The following PRSS23 variants were observed in gnomAD, a reference collection of about 807,000 sequenced individuals.
The protein encoded by PRSS23 is serine protease 23.
PRSS23 carries 25 observed loss-of-function variants against 34.7 expected under a neutral mutation model. The observed-to-expected ratio is 0.72, with a 90% CI of 0.53 to 1.01. The LOEUF is 1.01. Among genes scored for constraint, PRSS23 ranks in the 50% least tolerant of loss-of-function variants. The pLI is 0.00. For synonymous variants in PRSS23, 176 were observed against 186.6 expected (o/e 0.94, Z 0.46); for missense variants, 445 against 475.6 (o/e 0.94, Z 0.60).
At chr11:86,871,490 C>T (rs1322345008) in intron 2 of PRSS23, among the ~76,000 whole-genome samples, 3 of 152,162 alleles carry the variant, frequency 2.0e-5, no homozygotes, top group African/African-American at 7.2e-5. Context: ...CTGCTCTGTA[C>T]AGTATTCTCT....
intron 2 of PRSS23, among the ~76,000 whole-genome samples, chr11:86,834,531 C>CTT (rs1422492550): frequency 7.2e-6 from 1 of 138,952 alleles, no homozygotes. Context: ...CTTTCCTTTC[C>CTT]TTTCCTTTCC....
At chr11:86,804,619 C>A (rs1342855865) in intron 1 of PRSS23, among the ~76,000 whole-genome samples, 1 of 152,162 alleles carries the variant, frequency 6.6e-6, no homozygotes, top group Non-Finnish European at 1.5e-5. Flanking sequence ...CTGGCTTCTC[C>A]TTCACTCCTG....
intron 2 of PRSS23, among the ~76,000 whole-genome samples, chr11:86,893,333 AATACAT>A (rs1341124570): frequency 1.3e-5 from 2 of 152,314 alleles, no homozygotes; most frequent in African/African-American, 4.8e-5. Context: ...CTAGTAAACT[AATACAT>A]ATAAGTATCT....
At chr11:86,833,158 A>G in intron 2 of PRSS23, 1 of 842,648 alleles carries the variant, frequency 1.2e-6, no homozygotes, top group South Asian at 1.4e-5. Flanking sequence ...AAAGAGAGAC[A>G]TCTGAGTCAG....
intron 2 of PRSS23, among the ~76,000 whole-genome samples, chr11:86,889,002 C>A (rs182353783): frequency 1.3e-5 from 2 of 152,266 alleles, no homozygotes; most frequent in African/African-American, 4.8e-5. Context: ...CCTTATAGAG[C>A]CCTGATCACT....
At chr11:86,918,300 G>A (rs1469106766) in intron 2 of PRSS23, among the ~76,000 whole-genome samples, 2 of 152,186 alleles carry the variant, frequency 1.3e-5, no homozygotes, top group Admixed American at 6.5e-5. Context: ...TAGGAGGGTG[G>A]TGAGAAGGTT....
intron 2 of PRSS23, among the ~76,000 whole-genome samples, chr11:86,867,555 T>C (rs1007159681): frequency 1.3e-5 from 2 of 152,154 alleles, no homozygotes; most frequent in Non-Finnish European, 2.9e-5. Context: ...ACCATCCTCC[T>C]TCTGAGACCC....
chr11:86,875,486 T>A (rs899731884), intron 2 of PRSS23, among the ~76,000 whole-genome samples: 23 of 152,250 alleles, frequency 1.5e-4, no homozygotes, highest in Non-Finnish European at 2.8e-4. Context: ...AAGACCGTGC[T>A]CTGGTAGGAA....
intron 2 of PRSS23, among the ~76,000 whole-genome samples, chr11:86,831,063 A>T (rs1432803583): frequency 6.6e-6 from 1 of 152,016 alleles, no homozygotes; most frequent in Non-Finnish European, 1.5e-5. Flanking sequence ...AACGGGGTTT[A>T]CAACTTGTAA....
intron 2 of PRSS23, among the ~76,000 whole-genome samples, chr11:86,829,906 G>A (rs957812186): frequency 1.3e-5 from 2 of 152,096 alleles, no homozygotes; most frequent in South Asian, 2.1e-4. Flanking sequence ...CTACTGGGGG[G>A]TGCCTCCCAG....
exon 3 of PRSS23, chr11:86,952,194 A>C (rs569564089): frequency 6.2e-7 from 1 of 1,613,428 alleles, no homozygotes; most frequent in Admixed American, 1.7e-5. Context: ...TACTGATCAG[A>C]ATTGGTTCCC....
rs1205945864 is a variant in PRSS23 at position 86,807,965 on chromosome 11, A to C, written c.322A>C (p.Ser108Arg). The C allele has an allele frequency of 1.9e-6, 3 of 1,614,040 alleles. No individual in the cohort carries two copies. Among genetic ancestry groups the C allele is most frequent in the Admixed American group, 1.7e-5 (1 of 60,020 alleles). Residue 108 changes from serine (S) to arginine (R), a missense_variant, in exon 2 of 2, where the codon AGT (serine) becomes CGT (arginine). Physicochemically the swap from Ser to Arg is moderately radical, Grantham distance 110 (BLOSUM62 -1). Coordinates refer to ENST00000280258, the MANE Select transcript of PRSS23 (RefSeq NM_007173.6). ...ETQVGIYILS[S>R]SGDGAQHRDS... is the part of the protein sequence containing the mutation. ...GCAGGTGGGCATCTACATCCTCAGC[A>C]GTAGTGGAGATGGGGCCCAACACCG...
At chr11:86,854,774 C>T (rs1948556234) in intron 2 of PRSS23, among the ~76,000 whole-genome samples, 1 of 152,188 alleles carries the variant, frequency 6.6e-6, no homozygotes, top group Non-Finnish European at 1.5e-5. Flanking sequence ...GTATGCTTTT[C>T]CACCAATGAA....
chr11:86,852,976 C>G (rs923367082), intron 2 of PRSS23, among the ~76,000 whole-genome samples: 4 of 152,064 alleles, frequency 2.6e-5, no homozygotes, highest in Non-Finnish European at 5.9e-5. Context: ...GTCTCAGTCT[C>G]CGGAGTAGCT....
chr11:86,853,190 G>C (rs1433348585), intron 2 of PRSS23, among the ~76,000 whole-genome samples: 2 of 144,212 alleles, frequency 1.4e-5, no homozygotes, highest in African/African-American at 5.2e-5. Context: ...TTTCACTGAC[G>C]ATGATGTCTT....
chr11:86,920,912 T>A (rs1949043700), intron 2 of PRSS23, among the ~76,000 whole-genome samples: 1 of 152,164 alleles, frequency 6.6e-6, no homozygotes, highest in Admixed American at 6.5e-5. Context: ...TTGTCATCAT[T>A]CCATGGCCTT....
rs188503782 is a variant in PRSS23 at position 86,898,334 on chromosome 11, C to T, written c.207-52882C>T. Among the ~76,000 whole-genome samples the T allele has an allele frequency of 4.6e-5, 7 of 152,292 alleles. No homozygotes were observed. The East Asian group carries it at 1.3e-3, about 29-fold the overall frequency. ...TGAATTATTATAACTTATTTATTTC[C>T]TTCAATAAATATAGTATAAAAAGTA... On this transcript the variant is annotated intron_variant, in intron 2 of 2. Coordinates refer to the PRSS23 transcript ENST00000533902.
intron 2 of PRSS23, among the ~76,000 whole-genome samples, chr11:86,861,149 CA>C (rs1468236373): frequency 3.3e-5 from 5 of 149,886 alleles, no homozygotes; most frequent in Non-Finnish European, 6.0e-5. Context: ...TAGTAATATC[CA>C]GGGGGAGAGG....
intron 2 of PRSS23, among the ~76,000 whole-genome samples, chr11:86,850,356 T>C (rs1037052623): frequency 1.3e-5 from 2 of 152,106 alleles, no homozygotes; most frequent in African/African-American, 4.8e-5. Context: ...CAGCAGGAAG[T>C]AGCTAGAAGA....
Sources: allele counts gnomAD v4.1 joint callset (sites outside exome capture counted in the v4.1 genomes callset), GRCh38; gene constraint gnomAD v4.1.1; transcripts MANE v1.5; gene names NCBI Gene and HGNC (gene_info 2026-07-23, HGNC 2026-07-21).